The following TLN2 variants were observed in gnomAD, a reference collection of about 807,000 sequenced individuals.
TLN2 encodes talin 2.
Under a neutral mutation model 294.7 loss-of-function variants are expected in TLN2, and 118 were observed. The observed-to-expected ratio is 0.40, with a 90% confidence interval of 0.34 to 0.47. The LOEUF (loss-of-function observed/expected upper bound fraction) is 0.47. Among genes scored for constraint, TLN2 ranks in the 20% least tolerant of loss-of-function variants. TLN2 has a pLI of 0.84. For synonymous variants in TLN2, 1,431 were observed against 1,304.5 expected, an observed-to-expected ratio of 1.10 and a Z score of -2.09; for missense variants, 3,083 against 3,282.2, an observed-to-expected ratio of 0.94 and a Z score of 1.48.
intron 9 of TLN2, among the ~76,000 whole-genome samples, chr15:62,665,589 G>A (rs1009075310): frequency 6.6e-6 from 1 of 152,130 alleles, no homozygotes; most frequent in Non-Finnish European, 1.5e-5. Flanking sequence ...TCACAGCCCC[G>A]CTTCCTGTTT....
At chr15:62,673,376 C>T (rs866590030) in intron 9 of TLN2, among the ~76,000 whole-genome samples, 1 of 113,360 alleles carries the variant, frequency 8.8e-6, no homozygotes, top group Non-Finnish European at 1.7e-5. Flanking sequence ...AAGAAATAGG[C>T]AAGTTTAGTT....
In TLN2 at chr15:62,708,572, G is replaced by A. The variant is rs901438535; in HGVS notation, c.2243G>A (p.Arg748His). 12 of 1,614,064 alleles carry A rather than the reference G, an allele frequency of 7.4e-6. No individual in the cohort carries two copies. The highest frequency in any genetic ancestry group is 2.2e-5 in the East Asian group (1 of 44,886). ...QLIEAGKLVD[R>H]SVENCVRACQ... ...ATTGAAGCAGGGAAGCTGGTGGACC[G>A]CTCGGTGGAGAACTGTGTCCGTGCC... Residue 748 changes from arginine to histidine, a missense_variant, in exon 21 of 59, where the codon CGC becomes CAC. Transcript: ENST00000636159.
Position 62,656,050 on chromosome 15 carries a change from G to C in TLN2, c.624G>C (p.Ser208=). 2 of 1,614,168 alleles carry C rather than the reference G, an allele frequency of 1.2e-6. No homozygotes were observed. The highest frequency in any genetic ancestry group is 1.7e-6 in the Non-Finnish European group (2 of 1,180,040). The change falls in exon 8 of 59, where the codon TCG becomes TCC. Residue 208 remains serine (S), a synonymous_variant. Coordinates refer to ENST00000636159, the MANE Select transcript of TLN2 (RefSeq NM_015059.3). ...TTTACTCTGATCAGAATGTAGATTCGAGAGACCCCGTGCAGCTGAACTTGC... is the reference window on the plus strand; with the variant it reads ...TTTACTCTGATCAGAATGTAGATTCCAGAGACCCCGTGCAGCTGAACTTGC... The part of the protein sequence containing the change: ...KFFYSDQNVD[S]RDPVQLNLLY...
chr15:62,448,138 G>A (rs2035923225), intron 1 of TLN2, among the ~76,000 whole-genome samples: 1 of 152,204 alleles, frequency 6.6e-6, no homozygotes, highest in Non-Finnish European at 1.5e-5. Context: ...ACTGGGCCCA[G>A]GGAGCCTGCA....
chr15:62,612,904 C>T (rs1232534307), intron 2 of TLN2, among the ~76,000 whole-genome samples: 1 of 152,134 alleles, frequency 6.6e-6, no homozygotes, highest in East Asian at 1.9e-4. Context: ...ATTTGTAATC[C>T]ATTATCTTTG....
At position 62,686,805 on chromosome 15, in the gene TLN2, T is replaced by C; in HGVS notation, c.1113+9T>C. The C allele has an allele frequency of 6.2e-7, 1 of 1,612,666 alleles. No homozygotes were observed. Among genetic ancestry groups the C allele is most frequent in the Non-Finnish European group, 8.5e-7 (1 of 1,179,802 alleles). On this transcript the variant is annotated intron_variant, in intron 12 of 58. Coordinates refer to ENST00000636159, the MANE Select transcript of TLN2 (RefSeq NM_015059.3). Reference sequence around the variant, plus strand: ...CCAAGAGCTTCACACTGGTAGGGACTGGCAGAGGGCAAGGAGAGCACTAGC... The same window carrying C: ...CCAAGAGCTTCACACTGGTAGGGACCGGCAGAGGGCAAGGAGAGCACTAGC...
intron 1 of TLN2, among the ~76,000 whole-genome samples, chr15:62,526,274 C>T (rs2040735518): frequency 6.6e-6 from 1 of 152,124 alleles, no homozygotes; most frequent in Non-Finnish European, 1.5e-5. Context: ...GGATTATAGG[C>T]ATGTGCCACC....
At position 62,430,950 on chromosome 15, in the gene TLN2, A is replaced by G. The variant is rs535206786; in HGVS notation, c.-238+40265A>G. On this transcript the variant is annotated intron_variant, in intron 1 of 58. Transcript: ENST00000636159. ...AGGAAAAGCCAAAAAAAAAAAATAC[A>G]CAAAAACACCCAGCTCCTTCCAGGA... 3.5e-5 allele frequency among the ~76,000 whole-genome samples: 5 copies of G among 144,298 alleles called. No individual in the cohort carries two copies. The East Asian group carries it at 1.0e-3, about 29-fold the overall frequency. 94.7% of individuals were successfully genotyped at this position (144,298 alleles called of 152,430 possible).
chr15:62,652,637 C>T (rs1019609109), intron 6 of TLN2, among the ~76,000 whole-genome samples: 9 of 152,194 alleles, frequency 5.9e-5, no homozygotes, highest in African/African-American at 2.2e-4. Flanking sequence ...TTCCTTCAGA[C>T]ACTTCTTGTT....
intron 1 of TLN2, among the ~76,000 whole-genome samples, chr15:62,429,079 G>A (rs2034868915): frequency 7.0e-6 from 1 of 143,398 alleles, no homozygotes; most frequent in Non-Finnish European, 1.5e-5. Context: ...ATTTTGACAG[G>A]TCACCAGGCC....
At chr15:62,741,917 G>A (rs1325934909) in intron 32 of TLN2, among the ~76,000 whole-genome samples, 1 of 151,830 alleles carries the variant, frequency 6.6e-6, no homozygotes, top group African/African-American at 2.4e-5. Context: ...CTGCAAAGTG[G>A]GGGTATGAAC....
rs114950295 is a variant in TLN2, at chr15:62,791,351, C to T, written c.5737-1290C>T. On this transcript the variant is annotated intron_variant, in intron 45 of 58. Transcript: ENST00000636159. ...CCTAGGTGACAGAACAAGACTCTAT[C>T]TCAAAAAAAAGAAGAAAGTGTGTAG... Among the ~76,000 whole-genome samples the T allele has an allele frequency of 1.2e-3, 190 of 152,080 alleles. 1 individual carries two copies. Among genetic ancestry groups the T allele is most frequent in the African/African-American group, 4.2e-3 (174 of 41,482 alleles).
intron 52 of TLN2, among the ~76,000 whole-genome samples, chr15:62,816,557 T>C (rs1392589018): frequency 6.6e-6 from 1 of 152,250 alleles, no homozygotes; most frequent in Non-Finnish European, 1.5e-5. Flanking sequence ...TGTCATGTTG[T>C]ACACTTCTCA....
chr15:62,633,732 C>T (rs1054991462), intron 3 of TLN2, among the ~76,000 whole-genome samples: 4 of 152,178 alleles, frequency 2.6e-5, no homozygotes, highest in Non-Finnish European at 4.4e-5. Flanking sequence ...CCTAATTGGG[C>T]CTGTATTTAG....
At chr15:62,404,075 T>C (rs1429290264) in intron 1 of TLN2, among the ~76,000 whole-genome samples, 1 of 152,212 alleles carries the variant, frequency 6.6e-6, no homozygotes, top group Non-Finnish European at 1.5e-5. Context: ...GATGAGGGAA[T>C]GGAAGTCTTT....
At position 62,755,697 on chromosome 15, in the gene TLN2, G is replaced by A; in HGVS notation, c.4638+4G>A. The A allele has an allele frequency of 1.2e-6, 2 of 1,614,160 alleles. No individual in the cohort carries two copies. Among genetic ancestry groups the A allele is most frequent in the South Asian group, 1.1e-5 (1 of 91,064 alleles). ...CAACCTGGTGAAGACCATCAAGGTA[G>A]GTCGCTGGACTACCGGCCTTATTGA... On this transcript the variant is annotated splice_donor_region_variant and intron_variant, in intron 37 of 58. Coordinates refer to ENST00000636159, the MANE Select transcript of TLN2 (RefSeq NM_015059.3).
rs763316593 is a variant in TLN2, at chr15:62,717,642, T to C, written c.2830T>C (p.Ser944Pro). 6.2e-7 allele frequency: 1 copy of C among 1,605,674 alleles called. No individual in the cohort carries two copies. Among genetic ancestry groups the C allele is most frequent in the South Asian group, 1.1e-5 (1 of 89,170 alleles). ...CGCCGCCTCCCAGAATGCAGCTGTT[T>C]CCAACAAGAACCCTGCGGCCCAGCA... ...TIAASQNAAVSNKNPAAQQQL... is the reference protein window; with the variant it reads ...TIAASQNAAVPNKNPAAQQQL... Residue 944 changes from serine (S) to proline (P), a missense_variant, in exon 24 of 59, where the codon TCC becomes CCC. Physicochemically the swap from Ser to Pro is moderately conservative, Grantham distance 74. Transcript: ENST00000636159.
At chr15:62,448,040 C>T (rs1052276376) in intron 1 of TLN2, among the ~76,000 whole-genome samples, 1 of 152,192 alleles carries the variant, frequency 6.6e-6, no homozygotes, top group Non-Finnish European at 1.5e-5. Context: ...AGAATCCTCC[C>T]AGGAGGAGCC....
chr15:62,814,720 G>C (rs933295027), intron 52 of TLN2, among the ~76,000 whole-genome samples: 4 of 152,150 alleles, frequency 2.6e-5, no homozygotes, highest in Admixed American at 6.6e-5. Context: ...CAAGTTCCTG[G>C]TGAAAAATTA....
Sources: allele counts gnomAD v4.1 joint callset (sites outside exome capture counted in the v4.1 genomes callset), GRCh38; gene constraint gnomAD v4.1.1; transcripts MANE v1.5; gene names NCBI Gene and HGNC (gene_info 2026-07-23, HGNC 2026-07-21).